SAMSN1: variants seen among roughly 807,000 people sequenced by gnomAD.
SAMSN1 encodes the protein SAM domain-containing protein SAMSN-1.
SAMSN1 carries 31 observed loss-of-function variants against 42.0 expected under a neutral mutation model. The ratio of observed to expected loss-of-function variants is 0.74; its 90% CI spans 0.55 to 1.00. The LOEUF (loss-of-function observed/expected upper bound fraction) is 1.00. Among genes scored for constraint, SAMSN1 ranks in the 50% least tolerant of loss-of-function variants. The pLI, the probability that SAMSN1 is intolerant of heterozygous loss-of-function variation, is 0.00. For synonymous variants in SAMSN1, 178 were observed against 151.9 expected (o/e 1.17, Z -1.26); for missense variants, 464 against 439.4 (o/e 1.06, Z -0.50).
intron 2 of SAMSN1, among the ~76,000 whole-genome samples, chr21:14,581,842 C>G (rs1327698973): frequency 6.6e-6 from 1 of 152,114 alleles, no homozygotes; most frequent in African/African-American, 2.4e-5. Flanking sequence ...ATAATTTAGA[C>G]AGTTCACTTC....
At chr21:14,647,466 T>A (rs1292573) in intron 1 of SAMSN1, among the ~76,000 whole-genome samples, 1 of 145,456 alleles carries the variant, frequency 6.9e-6, no homozygotes, top group Non-Finnish European at 1.5e-5. Context: ...CTTGGCAATG[T>A]GGGCTCTTTT....
chr21:14,607,215 C>G (rs553004702), intron 5 of SAMSN1, among the ~76,000 whole-genome samples: 1 of 152,206 alleles, frequency 6.6e-6, no homozygotes, highest in South Asian at 2.1e-4. Flanking sequence ...CCACAGACTG[C>G]CTATCCTCAG....
intron 4 of SAMSN1, among the ~76,000 whole-genome samples, chr21:14,511,361 C>T (rs1264892995): frequency 1.3e-5 from 2 of 152,172 alleles, no homozygotes; most frequent in Non-Finnish European, 2.9e-5. Context: ...CAGGGCTTTT[C>T]GCAGTCCATT....
At chr21:14,509,561 T>G (rs1440853527) in intron 5 of SAMSN1, among the ~76,000 whole-genome samples, 1 of 152,124 alleles carries the variant, frequency 6.6e-6, no homozygotes, top group East Asian at 1.9e-4. Flanking sequence ...AAATAAAAAA[T>G]ACTGGAATTG....
intron 1 of SAMSN1, among the ~76,000 whole-genome samples, chr21:14,528,237 T>C (rs984911411): frequency 4.6e-5 from 7 of 152,146 alleles, no homozygotes. Context: ...ATTATGTTAT[T>C]GTGCACTTTC....
chr21:14,627,192 G>T lies in SAMSN1; in HGVS notation c.157-11176C>A, dbSNP rs1983202705. 2.0e-5 allele frequency among the ~76,000 whole-genome samples: 3 copies of T among 151,950 alleles called. No homozygotes were observed. In the South Asian group the frequency reaches 6.2e-4, roughly 32 times the overall value. On this transcript the variant is annotated intron_variant, in intron 2 of 15. Coordinates refer to the SAMSN1 transcript ENST00000647101. ...ACCTAATGTAAATGATGAGTTAATGGGTGCAGCACACCAATATGGCACATG... is the reference window on the plus strand; with the variant it reads ...ACCTAATGTAAATGATGAGTTAATGTGTGCAGCACACCAATATGGCACATG...
intron 5 of SAMSN1, among the ~76,000 whole-genome samples, chr21:14,603,371 A>T (rs1265398283): frequency 6.6e-6 from 1 of 152,242 alleles, no homozygotes; most frequent in Admixed American, 6.5e-5. Context: ...TTTCATAACA[A>T]CACAAGGCAG....
chr21:14,634,565 G>A (rs1235791791), intron 2 of SAMSN1, among the ~76,000 whole-genome samples: 1 of 152,036 alleles, frequency 6.6e-6, no homozygotes, highest in Admixed American at 6.6e-5. Flanking sequence ...CATGAAGAAA[G>A]GCTCAACATC....
chr21:14,633,196 TA>T (rs1983376832), intron 2 of SAMSN1, among the ~76,000 whole-genome samples: 2 of 151,454 alleles, frequency 1.3e-5, no homozygotes, highest in African/African-American at 2.4e-5. Context: ...TCTCTCTCTC[TA>T]CACACACACA....
At chr21:14,490,454 A>G (rs2123645204) in intron 7 of SAMSN1, among the ~76,000 whole-genome samples, 1 of 152,306 alleles carries the variant, frequency 6.6e-6, no homozygotes, top group African/African-American at 2.4e-5. Context: ...GAGTCACTCA[A>G]ATGAAAACCC....
chr21:14,495,832 G>A (rs1184869917), intron 7 of SAMSN1: 1 of 152,158 alleles, frequency 6.6e-6, no homozygotes, highest in East Asian at 1.9e-4. Flanking sequence ...AAGCCACTTA[G>A]CTACTTGGAT....
rs1986418359 is a variant in SAMSN1 at position 14,485,997 on chromosome 21, T to A, written c.1037A>T (p.Asn346Ile). 6.2e-7 allele frequency: 1 copy of A among 1,613,588 alleles called. No individual in the cohort carries two copies. Among genetic ancestry groups the A allele is most frequent in the African/African-American group, 1.3e-5 (1 of 74,888 alleles). Residue 346 changes from asparagine (N) to isoleucine (I), a missense_variant, in exon 8 of 8, where the codon AAT becomes ATT. Transcript: ENST00000400566. ...CAGATCCTCTTTGCCATTATCTGAA[T>A]TTCCTGATGAGATATAGCAACCAGA... ...RDSGCYISSG[N>I]SDNGKEDLES...
chr21:14,605,997 A>G (rs372764885), intron 5 of SAMSN1, among the ~76,000 whole-genome samples: 13 of 151,684 alleles, frequency 8.6e-5, no homozygotes, highest in East Asian at 3.9e-4. Flanking sequence ...GCCCGCCACC[A>G]CGCCCGGCTA....
In SAMSN1 at chr21:14,512,465, A is replaced by G. The variant is rs1383524789; in HGVS notation, c.388T>C (p.Tyr130His). ...TTACTTGATGAGCTCTGTCCACTGT[A>G]GAGACTATCCATGGAGTCACTGGCT... ...LKASDSMDSL[Y>H]SGQSSSSGIT... is the part of the protein sequence containing the mutation. Residue 130 changes from tyrosine to histidine, a missense_variant, in exon 4 of 8, where the codon TAC becomes CAC. By Grantham distance (83) the Tyr-to-His change is moderately conservative. Coordinates refer to ENST00000400566, the MANE Select transcript of SAMSN1 (RefSeq NM_022136.5). 5.6e-6 allele frequency: 9 copies of G among 1,613,818 alleles called. No homozygotes were observed. Among genetic ancestry groups the G allele is most frequent in the Non-Finnish European group, 7.6e-6 (9 of 1,179,860 alleles).
At chr21:14,594,690 C>G (rs1982204310) in intron 6 of SAMSN1, 1 of 152,174 alleles carries the variant, frequency 6.6e-6, no homozygotes, top group Non-Finnish European at 1.5e-5. Flanking sequence ...CAATTTCTAC[C>G]TAGGGCACTT....
intron 2 of SAMSN1, among the ~76,000 whole-genome samples, chr21:14,618,656 ATG>A (rs3050614): frequency 0.12 from 17,271 of 148,802 alleles, 1,090 homozygotes; most frequent in African/African-American, 0.17. Flanking sequence ...ACAGCTGTGT[ATG>A]TGTGTGTGTG....
At chr21:14,537,492 G>A (rs760646826) in intron 1 of SAMSN1, among the ~76,000 whole-genome samples, 5 of 151,998 alleles carry the variant, frequency 3.3e-5, no homozygotes, top group East Asian at 1.9e-4. Context: ...CCTTGGTATC[G>A]CCAGTGTATT....
At position 14,601,902 on chromosome 21, in the gene SAMSN1, A is replaced by C. The variant is rs149520354; in HGVS notation, c.399+121T>G. ...CATATCAATTATAAAGCAACCTATAATAACTAAATAGAAACTAGCTAAAAG... is the reference window on the plus strand; with the variant it reads ...CATATCAATTATAAAGCAACCTATACTAACTAAATAGAAACTAGCTAAAAG... On this transcript the variant is annotated intron_variant, in intron 6 of 15. Coordinates refer to the SAMSN1 transcript ENST00000647101. 7.3e-4 allele frequency: 293 copies of C among 399,674 alleles called. 1 individual carries two copies. Among genetic ancestry groups the C allele is most frequent in the South Asian group, 5.6e-3 (62 of 11,146 alleles). The allele number at this position is 399,674 out of a possible 1,614,324, so 24.8% of individuals were successfully genotyped here.
At chr21:14,524,723 G>C (rs946388481) in intron 1 of SAMSN1, among the ~76,000 whole-genome samples, 1 of 152,118 alleles carries the variant, frequency 6.6e-6, no homozygotes, top group Non-Finnish European at 1.5e-5. Context: ...AGAGGATACT[G>C]ATTGAATAAT....
Sources: gnomAD v4.1 joint callset for allele counts (sites outside exome capture counted in the v4.1 genomes callset) on GRCh38, gnomAD v4.1.1 for gene constraint, MANE v1.5 for transcripts, NCBI Gene and HGNC (gene_info 2026-07-23, HGNC 2026-07-21) for gene names.